The following ITGA6 variants were observed in gnomAD, a reference collection of about 807,000 sequenced individuals.
ITGA6 encodes the protein integrin subunit alpha 6, also known as integrin alpha-6.
A neutral mutation model predicts 133.6 loss-of-function variants in ITGA6; 63 were observed. The ratio of observed to expected loss-of-function variants is 0.47; its 90% CI spans 0.38 to 0.58. The LOEUF is 0.58. Among genes scored for constraint, ITGA6 ranks in the 20% least tolerant of loss-of-function variants. ITGA6 has a pLI of 0.00. For synonymous variants in ITGA6, 434 were observed against 482.0 expected (o/e 0.90, Z 1.30); for missense variants, 1,068 against 1,309.4 (o/e 0.82, Z 2.85).
chr2:172,464,773 A>C (rs1407220165), intron 1 of ITGA6, among the ~76,000 whole-genome samples: 1 of 152,324 alleles, frequency 6.6e-6, no homozygotes, highest in African/African-American at 2.4e-5. Context: ...GAGCTACACC[A>C]GTTGTCCCTG....
chr2:172,489,085 G>A (rs1369936546), intron 19 of ITGA6, among the ~76,000 whole-genome samples: 1 of 152,152 alleles, frequency 6.6e-6, no homozygotes, highest in East Asian at 1.9e-4. Flanking sequence ...CAGTGGATGG[G>A]GTTTTCCAGA....
chr2:172,462,822 C>T (rs1323176227), intron 1 of ITGA6, among the ~76,000 whole-genome samples: 1 of 152,196 alleles, frequency 6.6e-6, no homozygotes, highest in African/African-American at 2.4e-5. Flanking sequence ...TTCAGAGGGT[C>T]TCTGACCCTT....
chr2:172,470,017 T>C (rs1559136662), intron 4 of ITGA6, among the ~76,000 whole-genome samples: 1 of 152,206 alleles, frequency 6.6e-6, no homozygotes, highest in Non-Finnish European at 1.5e-5. Flanking sequence ...TAGAAAATGC[T>C]ATATCATAAA....
intron 13 of ITGA6, 52 bp from the exon 14 acceptor site, chr2:172,486,971 C>A (rs1686706924): frequency 5.1e-6 from 5 of 983,246 alleles, no homozygotes; most frequent in African/African-American, 3.2e-5. Context: ...ACATCGATGC[C>A]TTCCTGAGTC....
intron 2 of ITGA6, among the ~76,000 whole-genome samples, chr2:172,466,463 T>A (rs1327279859): frequency 6.6e-6 from 1 of 152,058 alleles, no homozygotes; most frequent in Non-Finnish European, 1.5e-5. Flanking sequence ...CTACTAAAAA[T>A]ACAAAAATTA....
Position 172,504,164 on chromosome 2 carries a change from A to G in ITGA6, c.*96A>G. ...CATGCTGTAAGGATCCGGAAAGAAG[A>G]GCGAGAGATCAAAGATGAAAAGTAT... On this transcript the variant is annotated 3_prime_UTR_variant, in exon 26 of 26. Transcript: ENST00000684293. The G allele has an allele frequency of 6.3e-7, 1 of 1,595,214 alleles. No individual in the cohort carries two copies. Among genetic ancestry groups the G allele is most frequent in the Non-Finnish European group, 8.5e-7 (1 of 1,169,768 alleles).
In ITGA6 at chr2:172,489,644, T is replaced by A. The variant is rs754816673; in HGVS notation, c.2665T>A (p.Ser889Thr). 3.0e-5 allele frequency: 49 copies of A among 1,613,600 alleles called. No individual in the cohort carries two copies. In the Admixed American group the frequency reaches 8.0e-4, roughly 26 times the overall value. Reference protein sequence around the residue: ...VTCEPQKEINSLNLTESHNSR... With the variant: ...VTCEPQKEINTLNLTESHNSR... Reference sequence around the variant, plus strand: ...TTGTGAGCCACAAAAGGAGATAAACTCCCTGAACCTAACGGTATGTCGGTA... The same window carrying A: ...TTGTGAGCCACAAAAGGAGATAAACACCCTGAACCTAACGGTATGTCGGTA... Residue 889 changes from serine (S) to threonine (T), a missense_variant, in exon 20 of 26, where the codon TCC (serine) becomes ACC (threonine). By Grantham distance (58) the Ser-to-Thr change is moderately conservative (BLOSUM62 1). Coordinates refer to ENST00000684293, the MANE Select transcript of ITGA6 (RefSeq NM_000210.4).
At chr2:172,482,258 C>T (rs1295455803) in intron 11 of ITGA6, among the ~76,000 whole-genome samples, 2 of 152,150 alleles carry the variant, frequency 1.3e-5, no homozygotes, top group African/African-American at 4.8e-5. Flanking sequence ...TGAAGACATT[C>T]AAAGAACATT....
At chr2:172,498,330 G>A (rs1687214644) in intron 24 of ITGA6, among the ~76,000 whole-genome samples, 1 of 152,048 alleles carries the variant, frequency 6.6e-6, no homozygotes. Flanking sequence ...TTCTTCATTT[G>A]TCTCTCACAC....
At chr2:172,445,248 G>A (rs1227315833) in intron 1 of ITGA6, among the ~76,000 whole-genome samples, 1 of 151,520 alleles carries the variant, frequency 6.6e-6, no homozygotes, top group Non-Finnish European at 1.5e-5. Context: ...TTACAGGCAT[G>A]AGCCACTGTG....
At chr2:172,465,876 G>C in intron 2 of ITGA6, 1 of 698,804 alleles carries the variant, frequency 1.4e-6, no homozygotes, top group Non-Finnish European at 2.4e-6. Flanking sequence ...CCTCCTAACC[G>C]TGGTTTCTAA....
chr2:172,490,233 G>A (rs1323199250), intron 20 of ITGA6, among the ~76,000 whole-genome samples: 1 of 152,170 alleles, frequency 6.6e-6, no homozygotes. Context: ...AAGATTCAGA[G>A]AGCAAGTAAC....
At chr2:172,462,686 G>T (rs887207172) in intron 1 of ITGA6, among the ~76,000 whole-genome samples, 2 of 152,198 alleles carry the variant, frequency 1.3e-5, no homozygotes, top group Non-Finnish European at 2.9e-5. Context: ...GATAGAGGCT[G>T]AGGGAAGCCA....
Position 172,467,485 on chromosome 2 carries a change from C to G in ITGA6, c.312C>G (p.Asp104Glu). Residue 104 changes from aspartate to glutamate, a missense_variant, in exon 3 of 26, where the codon GAC becomes GAG. By Grantham distance (45) the Asp-to-Glu change is conservative. Coordinates refer to ENST00000684293, the MANE Select transcript of ITGA6 (RefSeq NM_000210.4). Reference sequence around the variant, plus strand: ...TAACTATGCTCCTTTCTACAGCTGACCCCACGTCAGAAAGCAAGGAAGATC... The same window carrying G: ...TAACTATGCTCCTTTCTACAGCTGAGCCCACGTCAGAAAGCAAGGAAGATC... ...CTRIEFDNDA[D>E]PTSESKEDQW... The G allele has an allele frequency of 1.2e-6, 2 of 1,612,970 alleles. No homozygotes were observed. Among genetic ancestry groups the G allele is most frequent in the African/African-American group, 1.3e-5 (1 of 75,004 alleles).
chr2:172,448,305 CATCAA>C (rs1559121085), intron 1 of ITGA6, among the ~76,000 whole-genome samples: 1 of 151,696 alleles, frequency 6.6e-6, no homozygotes, highest in Non-Finnish European at 1.5e-5. Context: ...GTAGTGATGT[CATCAA>C]ATCAAGCAGA....
Position 172,475,615 on chromosome 2 carries a change from C to T in ITGA6, c.1199C>T (p.Pro400Leu). ...DGYPDIAVGAPYDDLGKVFIY... is the reference protein window; with the variant it reads ...DGYPDIAVGALYDDLGKVFIY... ...TCAACAGATATTGCAGTTGGAGCTCCGTATGATGACTTGGGAAAGGTTTTT... is the reference window on the plus strand; with the variant it reads ...TCAACAGATATTGCAGTTGGAGCTCTGTATGATGACTTGGGAAAGGTTTTT... Residue 400 changes from proline (P) to leucine (L), a missense_variant, in exon 8 of 26, where the codon CCG becomes CTG. Coordinates refer to ENST00000684293, the MANE Select transcript of ITGA6 (RefSeq NM_000210.4). The T allele has an allele frequency of 3.1e-6, 5 of 1,600,854 alleles. No homozygotes were observed. Among genetic ancestry groups the T allele is most frequent in the Non-Finnish European group, 3.4e-6 (4 of 1,167,986 alleles).
intron 1 of ITGA6, among the ~76,000 whole-genome samples, chr2:172,452,461 GGCTGGGC>G (rs1456619576): frequency 1.3e-5 from 2 of 152,130 alleles, no homozygotes; most frequent in East Asian, 3.9e-4. Flanking sequence ...GGGGATTGGG[GGCTGGGC>G]ACGTGCTTTT....
At chr2:172,468,968 G>A (rs1375868767) in intron 3 of ITGA6, 157 bp from the exon 4 acceptor site, 1 of 747,074 alleles carries the variant, frequency 1.3e-6, no homozygotes, top group Non-Finnish European at 2.3e-6. Flanking sequence ...GCCACTTTGG[G>A]GAATATTTGC....
chr2:172,440,403 T>A (rs879366493), intron 1 of ITGA6, among the ~76,000 whole-genome samples: 15 of 152,212 alleles, frequency 9.9e-5, no homozygotes, highest in Non-Finnish European at 1.6e-4. Flanking sequence ...TGTGGTAAAA[T>A]ATACATAACA....
Sources: allele counts gnomAD v4.1 joint callset (sites outside exome capture counted in the v4.1 genomes callset), GRCh38; gene constraint gnomAD v4.1.1; transcripts MANE v1.5; gene names NCBI Gene and HGNC (gene_info 2026-07-23, HGNC 2026-07-21).